DNER: variants seen among roughly 807,000 people sequenced by gnomAD.
The protein encoded by DNER is delta and Notch-like epidermal growth factor-related receptor.
Under a neutral mutation model 78.2 loss-of-function variants are expected in DNER, and 33 were observed. The ratio of observed to expected loss-of-function variants is 0.42; its 90% CI spans 0.32 to 0.56. DNER has a LOEUF of 0.56. Among genes scored for constraint, DNER ranks in the 20% least tolerant of loss-of-function variants. The pLI, the probability that DNER is intolerant of heterozygous loss-of-function variation, is 0.11. For synonymous variants in DNER, 417 were observed against 384.8 expected, an observed-to-expected ratio of 1.08 and a Z score of -0.98; for missense variants, 918 against 975.3, an observed-to-expected ratio of 0.94 and a Z score of 0.78.
chr2:229,589,009 T>C (rs553089258), intron 2 of DNER, among the ~76,000 whole-genome samples: 2 of 152,354 alleles, frequency 1.3e-5, no homozygotes, highest in East Asian at 3.9e-4. Context: ...AACGCTGCCT[T>C]TCTTTTTCCT....
At chr2:229,618,538 G>C (rs1287406445) in intron 1 of DNER, among the ~76,000 whole-genome samples, 1 of 152,154 alleles carries the variant, frequency 6.6e-6, no homozygotes, top group Non-Finnish European at 1.5e-5. Context: ...AGCTCGCCAC[G>C]CATCAGCCTC....
intron 5 of DNER, among the ~76,000 whole-genome samples, chr2:229,533,628 C>T (rs1188486913): frequency 6.6e-6 from 1 of 152,152 alleles, no homozygotes; most frequent in African/African-American, 2.4e-5. Flanking sequence ...GGAAGCACTA[C>T]GGCTCCCTCA....
intron 7 of DNER, among the ~76,000 whole-genome samples, chr2:229,467,469 T>C (rs753154939): frequency 1.5e-4 from 23 of 152,198 alleles, no homozygotes; most frequent in Non-Finnish European, 2.8e-4. Flanking sequence ...TTCAACGTTG[T>C]CTTGGGCCTG....
chr2:229,567,130 C>T (rs931276932), intron 4 of DNER, among the ~76,000 whole-genome samples: 12 of 152,214 alleles, frequency 7.9e-5, no homozygotes, highest in Admixed American at 3.3e-4. Flanking sequence ...AGGGGTTTTC[C>T]CCATTGCCTA....
At position 229,413,664 on chromosome 2, in the gene DNER, C is replaced by G. The variant is rs536597893; in HGVS notation, c.1609+4444G>C. ...TGTTCTTAGCTATATATTTGGCTGA[C>G]TCCCTATTGCACTCATTCTTTTTAG... On this transcript the variant is annotated intron_variant, in intron 9 of 12. Transcript: ENST00000341772. Among the ~76,000 whole-genome samples the G allele has an allele frequency of 2.0e-4, 30 of 151,366 alleles. No individual in the cohort carries two copies. In the East Asian group the frequency reaches 3.7e-3, roughly 19 times the overall value.
At chr2:229,482,595 G>T (rs1203189465) in intron 6 of DNER, among the ~76,000 whole-genome samples, 2 of 152,142 alleles carry the variant, frequency 1.3e-5, no homozygotes, top group Non-Finnish European at 2.9e-5. Flanking sequence ...TTGTTTTCAT[G>T]CTGTGGCCTC....
chr2:229,610,766 A>G (rs1008588041), intron 1 of DNER, among the ~76,000 whole-genome samples: 4 of 152,260 alleles, frequency 2.6e-5, no homozygotes, highest in Non-Finnish European at 5.9e-5. Flanking sequence ...TGCATCTTAA[A>G]GAACCATAAG....
At chr2:229,701,819 T>C (rs972923588) in intron 1 of DNER, 3 of 154,646 alleles carry the variant, frequency 1.9e-5, no homozygotes. Flanking sequence ...GAAGTGAGCA[T>C]GTTGGACTTT....
rs1469709595 is a variant in DNER at position 229,366,935 on chromosome 2, G to C, written c.2040C>G (p.Phe680Leu). The C allele has an allele frequency of 6.2e-7, 1 of 1,614,172 alleles. No individual in the cohort carries two copies. Among genetic ancestry groups the C allele is most frequent in the African/African-American group, 1.3e-5 (1 of 75,042 alleles). Residue 680 changes from phenylalanine to leucine, a missense_variant, in exon 12 of 13, where the codon TTC (phenylalanine) becomes TTG (leucine). Transcript: ENST00000341772. ...QGSSRPAYEE[F>L]YNCRSIDSEF... Reference sequence around the variant, plus strand: ...CGCTGTCGATGCTGCGGCAGTTGTAGAACTCCTCATAGGCTGGCCTGGAAG... The same window carrying C: ...CGCTGTCGATGCTGCGGCAGTTGTACAACTCCTCATAGGCTGGCCTGGAAG...
At chr2:229,469,207 C>A (rs1694869777) in intron 7 of DNER, among the ~76,000 whole-genome samples, 1 of 152,124 alleles carries the variant, frequency 6.6e-6, no homozygotes. Flanking sequence ...GAGCCCAGAG[C>A]CCCATGAGGG....
chr2:229,483,514 TTTGA>T (rs1695209457), intron 6 of DNER, among the ~76,000 whole-genome samples: 1 of 152,224 alleles, frequency 6.6e-6, no homozygotes, highest in African/African-American at 2.4e-5. Context: ...GTAATTGGTT[TTTGA>T]TTGATGAATT....
chr2:229,623,518 G>A (rs1698287271), intron 1 of DNER, among the ~76,000 whole-genome samples: 1 of 152,180 alleles, frequency 6.6e-6, no homozygotes, highest in Non-Finnish European at 1.5e-5. Context: ...AGCCGGGCAT[G>A]AGCTACTTGT....
At chr2:229,588,339 C>T in intron 3 of DNER, 55 bp downstream of exon 3, 3 of 1,551,662 alleles carry the variant, frequency 1.9e-6, no homozygotes, top group Non-Finnish European at 2.7e-6. Context: ...GGACACAACC[C>T]CACTTATAGG....
rs73096236 is a variant in DNER, at chr2:229,362,460, G to A, written c.2103-3809C>T. Among the ~76,000 whole-genome samples, 329 of 152,262 alleles carry A rather than the reference G, an allele frequency of 2.2e-3. 1 individual carries two copies. Among genetic ancestry groups the A allele is most frequent in the African/African-American group, 7.7e-3 (320 of 41,560 alleles). On this transcript the variant is annotated intron_variant, in intron 12 of 12. Coordinates refer to ENST00000341772, the MANE Select transcript of DNER (RefSeq NM_139072.4). ...ACAAGAGGCTATGTACTTCTGCATT[G>A]AAAGGCATCACCTTCAAATCAGCAC...
chr2:229,707,468 T>A (rs963011871), intron 1 of DNER, among the ~76,000 whole-genome samples: 10 of 152,226 alleles, frequency 6.6e-5, no homozygotes, highest in African/African-American at 2.4e-4. Flanking sequence ...ACAGATTAAA[T>A]GTCTTCATGT....
At chr2:229,676,643 A>G (rs1699305353) in intron 1 of DNER, among the ~76,000 whole-genome samples, 1 of 152,162 alleles carries the variant, frequency 6.6e-6, no homozygotes, top group Non-Finnish European at 1.5e-5. Context: ...GAGCAGCACA[A>G]TTAGATGGGA....
intron 7 of DNER, among the ~76,000 whole-genome samples, chr2:229,463,777 G>T (rs566605014): frequency 6.6e-6 from 1 of 152,312 alleles, no homozygotes; most frequent in African/African-American, 2.4e-5. Context: ...CTGCTGCGTA[G>T]CACGGGAAAG....
intron 12 of DNER, among the ~76,000 whole-genome samples, chr2:229,363,403 A>C (rs1020851756): frequency 2.6e-5 from 4 of 152,190 alleles, no homozygotes; most frequent in Admixed American, 6.5e-5. Context: ...TAACATCAAA[A>C]GGTCTAAGTT....
intron 1 of DNER, among the ~76,000 whole-genome samples, chr2:229,626,938 G>C (rs1243465657): frequency 1.3e-5 from 2 of 152,234 alleles, no homozygotes; most frequent in African/African-American, 4.8e-5. Context: ...GAGAATGACA[G>C]AGATCATGGG....
Sources: allele counts gnomAD v4.1 joint callset (sites outside exome capture counted in the v4.1 genomes callset), GRCh38; gene constraint gnomAD v4.1.1; transcripts MANE v1.5; gene names NCBI Gene and HGNC (gene_info 2026-07-23, HGNC 2026-07-21).